Variants in AGMO observed in about 807,000 individuals in gnomAD.
AGMO encodes glyceryl-ether monooxygenase.
AGMO carries 75 observed loss-of-function variants against 60.2 expected under a neutral mutation model. The ratio of observed to expected loss-of-function variants is 1.25; its 90% CI spans 1.03 to 1.51. The LOEUF (loss-of-function observed/expected upper bound fraction) is 1.51. AGMO is among the 40% of genes most tolerant of loss of function. The pLI, the probability that AGMO is intolerant of heterozygous loss-of-function variation, is 0.00. For missense variants in AGMO, 763 were observed against 525.5 expected, an observed-to-expected ratio of 1.45 and a Z score of -4.42; for synonymous variants, 261 against 177.1, an observed-to-expected ratio of 1.47 and a Z score of -3.76.
chr7:15,367,014 T>C (rs1405434411), intron 10 of AGMO, among the ~76,000 whole-genome samples: 2 of 152,068 alleles, frequency 1.3e-5, no homozygotes, highest in Non-Finnish European at 2.9e-5. Flanking sequence ...TTTAAGTACA[T>C]GTACGGCAGT....
At chr7:15,519,201 C>T (rs1490263459) in intron 3 of AGMO, among the ~76,000 whole-genome samples, 1 of 151,490 alleles carries the variant, frequency 6.6e-6, no homozygotes, top group Non-Finnish European at 1.5e-5. Flanking sequence ...ATTGTTGTAC[C>T]TGAAAGTGAT....
At chr7:15,404,265 A>G (rs942217205) in intron 5 of AGMO, among the ~76,000 whole-genome samples, 6 of 151,892 alleles carry the variant, frequency 4.0e-5, no homozygotes, top group Admixed American at 3.9e-4. Context: ...TTTATAATAA[A>G]TTATCTTGAA....
chr7:15,194,112 A>G, the AGMO span, among the ~76,000 whole-genome samples: 3 of 152,072 alleles, frequency 2.0e-5, no homozygotes, highest in Admixed American at 2.0e-4. Context: ...CAAAACAAAT[A>G]TAATTTTATT....
intron 3 of AGMO, among the ~76,000 whole-genome samples, chr7:15,437,007 C>A (rs1781421892): frequency 6.6e-6 from 1 of 151,946 alleles, no homozygotes; most frequent in South Asian, 2.1e-4. Flanking sequence ...ATAAATGAAT[C>A]CTTTAAATTT....
At chr7:15,491,969 C>T (rs1036294006) in intron 3 of AGMO, among the ~76,000 whole-genome samples, 3 of 152,176 alleles carry the variant, frequency 2.0e-5, no homozygotes, top group African/African-American at 4.8e-5. Context: ...AAGTTAGAAA[C>T]ATTCGCAGTG....
chr7:15,278,962 C>A (rs184690748), intron 12 of AGMO, among the ~76,000 whole-genome samples: 2 of 152,218 alleles, frequency 1.3e-5, no homozygotes, highest in Admixed American at 1.3e-4. Flanking sequence ...AGTCTGCCCA[C>A]TCCTCTGTGG....
chr7:15,436,125 G>A (rs890846664), intron 3 of AGMO, among the ~76,000 whole-genome samples: 1 of 152,172 alleles, frequency 6.6e-6, no homozygotes, highest in African/African-American at 2.4e-5. Flanking sequence ...AGTGATGCTT[G>A]ACACCACTGA....
chr7:15,212,576 C>T (rs187522613), intron 12 of AGMO, among the ~76,000 whole-genome samples: 2 of 151,834 alleles, frequency 1.3e-5, no homozygotes, highest in Non-Finnish European at 2.9e-5. Context: ...AGATCAATCC[C>T]AGGACTATAT....
intron 2 of AGMO, among the ~76,000 whole-genome samples, chr7:15,548,271 A>C (rs1033134334): frequency 6.6e-6 from 1 of 152,154 alleles, no homozygotes; most frequent in African/African-American, 2.4e-5. Context: ...CTCCTCCTCC[A>C]AAGGAACGCA....
At chr7:15,238,855 T>C (rs931928565) in intron 12 of AGMO, among the ~76,000 whole-genome samples, 3 of 152,096 alleles carry the variant, frequency 2.0e-5, no homozygotes, top group Non-Finnish European at 4.4e-5. Context: ...AAAAAATACA[T>C]GTACTAGGAA....
rs369719944 is a variant in AGMO, at chr7:15,560,148, G to T, written c.250C>A (p.Leu84Ile). The T allele has an allele frequency of 5.0e-6, 8 of 1,609,196 alleles. No homozygotes were observed. Among genetic ancestry groups the T allele is most frequent in the Non-Finnish European group, 5.9e-6 (7 of 1,176,754 alleles). The change falls in exon 2 of 13, where the codon CTT becomes ATT. Residue 84 changes from leucine to isoleucine, a missense_variant. Coordinates refer to ENST00000342526, the MANE Select transcript of AGMO (RefSeq NM_001004320.2). ...GTTGACCATCTAACTCACCTTGGAA[G>T]TCGAGACAGAACACCAGCTGAGATT... ...TSISAGVLSRLPSLFFRSIEL... is the reference protein window; with the variant it reads ...TSISAGVLSRIPSLFFRSIEL...
At chr7:15,364,998 G>A (rs141468406) in intron 12 of AGMO, among the ~76,000 whole-genome samples, 110 of 152,028 alleles carry the variant, frequency 7.2e-4, no homozygotes, top group African/African-American at 2.6e-3. Context: ...GTTCAATGCA[G>A]TTCTTGGAAG....
chr7:15,399,536 A>G (rs895498308), intron 5 of AGMO, among the ~76,000 whole-genome samples: 1 of 152,186 alleles, frequency 6.6e-6, no homozygotes, highest in South Asian at 2.1e-4. Context: ...TTCTTAAGCT[A>G]TTTTATTTGT....
chr7:15,134,969 C>T, the AGMO span, among the ~76,000 whole-genome samples: 31 of 152,022 alleles, frequency 2.0e-4, no homozygotes, highest in African/African-American at 6.8e-4. Context: ...CATGGTAACT[C>T]TCCTTATTTC....
chr7:15,158,215 T>C, the AGMO span, among the ~76,000 whole-genome samples: 1 of 152,158 alleles, frequency 6.6e-6, no homozygotes, highest in Non-Finnish European at 1.5e-5. Flanking sequence ...AGAACTTGGC[T>C]CTGTTACTAG....
intron 12 of AGMO, among the ~76,000 whole-genome samples, chr7:15,240,681 A>T (rs1222626883): frequency 6.6e-6 from 1 of 152,170 alleles, no homozygotes; most frequent in African/African-American, 2.4e-5. Flanking sequence ...TCTAATAAAT[A>T]CAGATACTGC....
chr7:15,398,998 AATG>A (rs1231972182), intron 5 of AGMO, among the ~76,000 whole-genome samples: 6 of 152,148 alleles, frequency 3.9e-5, no homozygotes, highest in Non-Finnish European at 7.4e-5. Flanking sequence ...TTTAATAGAA[AATG>A]ATAATTCCTT....
chr7:15,299,832 C>G (rs1462940981), intron 12 of AGMO, among the ~76,000 whole-genome samples: 1 of 19,102 alleles, frequency 5.2e-5, no homozygotes, highest in Admixed American at 6.3e-4. Flanking sequence ...TGTCTACATA[C>G]ACACACACAC....
At chr7:15,555,292 T>TATATATAC (rs1213509604) in intron 2 of AGMO, among the ~76,000 whole-genome samples, 8 of 95,876 alleles carry the variant, frequency 8.3e-5, no homozygotes, top group Non-Finnish European at 9.9e-5. Flanking sequence ...TATATATATA[T>TATATATAC]ACACACACAC....
Sources: gnomAD v4.1 joint callset for allele counts (sites outside exome capture counted in the v4.1 genomes callset) on GRCh38, gnomAD v4.1.1 for gene constraint, MANE v1.5 for transcripts, NCBI Gene and HGNC (gene_info 2026-07-23, HGNC 2026-07-21) for gene names.